DOCK10: variants seen among roughly 807,000 people sequenced by gnomAD.
The protein encoded by DOCK10 is dedicator of cytokinesis 10.
A neutral mutation model predicts 280.1 loss-of-function variants in DOCK10; 145 were observed. The observed-to-expected ratio is 0.52, with a 90% confidence interval of 0.45 to 0.59. DOCK10 has a LOEUF of 0.59. DOCK10 is among the 20% of genes least tolerant of loss of function. The probability of loss-of-function intolerance (pLI) is 0.00; values close to 1 mark genes in which losing one functional copy is unlikely to be tolerated. For missense variants in DOCK10, 2,368 were observed against 2,651.7 expected (o/e 0.89, Z 2.35); for synonymous variants, 915 against 942.2 (o/e 0.97, Z 0.53).
At chr2:224,823,223 T>G (rs1358315731) in intron 28 of DOCK10, among the ~76,000 whole-genome samples, 1 of 152,038 alleles carries the variant, frequency 6.6e-6, no homozygotes, top group Non-Finnish European at 1.5e-5. Flanking sequence ...CTTGACCTCA[T>G]GATCTGCCCG....
intron 7 of DOCK10, among the ~76,000 whole-genome samples, chr2:224,881,308 T>C (rs953276151): frequency 6.6e-6 from 1 of 152,222 alleles, no homozygotes; most frequent in Non-Finnish European, 1.5e-5. Flanking sequence ...TTTGAAGACA[T>C]GAGCCACACC....
intron 47 of DOCK10, 49 bp from the exon 48 acceptor site, chr2:224,789,219 G>C (rs1034996389): frequency 1.6e-6 from 2 of 1,273,438 alleles, no homozygotes; most frequent in African/African-American, 1.5e-5. Flanking sequence ...GACAAATTTT[G>C]CTTAGATTAG....
At chr2:224,919,227 T>C (rs1701542763) in intron 2 of DOCK10, among the ~76,000 whole-genome samples, 1 of 142,132 alleles carries the variant, frequency 7.0e-6, no homozygotes, top group Non-Finnish European at 1.6e-5. Flanking sequence ...ATGTGTGGTG[T>C]GAATGTATGT....
At chr2:224,914,267 G>A (rs1388226267) in intron 3 of DOCK10, among the ~76,000 whole-genome samples, 1 of 151,878 alleles carries the variant, frequency 6.6e-6, no homozygotes, top group East Asian at 1.9e-4. Context: ...TGGTTTATTT[G>A]TTCATTCCAG....
chr2:224,921,171 G>A (rs1366532144), intron 2 of DOCK10, among the ~76,000 whole-genome samples: 2 of 132,714 alleles, frequency 1.5e-5, no homozygotes, highest in African/African-American at 3.1e-5. Flanking sequence ...GCATGGTGGC[G>A]GGCACCTGTA....
At chr2:225,037,854 C>A (rs1269443109) in intron 1 of DOCK10, among the ~76,000 whole-genome samples, 1 of 152,176 alleles carries the variant, frequency 6.6e-6, no homozygotes, top group African/African-American at 2.4e-5. Context: ...CTAGAACCTA[C>A]TTGTGGTTAC....
chr2:224,947,048 C>T (rs1703460867), intron 1 of DOCK10: 1 of 1,414,296 alleles, frequency 7.1e-7, no homozygotes, highest in Admixed American at 3.3e-5. Context: ...AATCTTTCTT[C>T]TTGGTAAAAA....
intron 50 of DOCK10, among the ~76,000 whole-genome samples, chr2:224,782,178 A>G (rs1691392574): frequency 6.6e-6 from 1 of 152,178 alleles, no homozygotes; most frequent in African/African-American, 2.4e-5. Flanking sequence ...GTGGAGAGCT[A>G]TATCATGTCC....
At chr2:224,847,319 C>T (rs752153776) in intron 19 of DOCK10, among the ~76,000 whole-genome samples, 11 of 152,162 alleles carry the variant, frequency 7.2e-5, no homozygotes, top group Non-Finnish European at 1.3e-4. Context: ...TGTTAGGGGG[C>T]TCTGAGTTAC....
chr2:224,903,023 G>A (rs1014034707), intron 3 of DOCK10, among the ~76,000 whole-genome samples: 2 of 152,162 alleles, frequency 1.3e-5, no homozygotes, highest in African/African-American at 2.4e-5. Context: ...GCGTGAACCC[G>A]GGAGGCGGAG....
chr2:224,947,277 A>G (rs1204659888), intron 1 of DOCK10, among the ~76,000 whole-genome samples: 1 of 152,216 alleles, frequency 6.6e-6, no homozygotes, highest in African/African-American at 2.4e-5. Context: ...CCACCCGTGC[A>G]ACCAAATCAA....
intron 4 of DOCK10, among the ~76,000 whole-genome samples, chr2:224,888,609 G>A (rs933653208): frequency 1.3e-5 from 2 of 151,736 alleles, no homozygotes; most frequent in Non-Finnish European, 2.9e-5. Flanking sequence ...GTGTTTGTAT[G>A]TATATGTGTG....
intron 55 of DOCK10, among the ~76,000 whole-genome samples, 186 bp from the exon 56 acceptor site, chr2:224,766,023 T>C (rs547113726): frequency 1.3e-5 from 2 of 152,316 alleles, no homozygotes; most frequent in Non-Finnish European, 2.9e-5. Context: ...GCTTTAACTT[T>C]TGGTGAAAGT....
intron 1 of DOCK10, among the ~76,000 whole-genome samples, chr2:224,991,884 G>C (rs182972977): frequency 2.6e-5 from 4 of 152,300 alleles, no homozygotes; most frequent in African/African-American, 9.6e-5. Flanking sequence ...TGAAACTGAT[G>C]CATTAGGGAA....
intron 33 of DOCK10, chr2:224,807,437 G>A (rs1272166385): frequency 8.4e-6 from 3 of 359,256 alleles, no homozygotes; most frequent in Non-Finnish European, 1.0e-5. Flanking sequence ...ATTGGAAGCT[G>A]ATACAGAGAA....
intron 1 of DOCK10, among the ~76,000 whole-genome samples, chr2:224,984,351 T>G (rs1045477684): frequency 6.6e-6 from 1 of 152,236 alleles, no homozygotes; most frequent in African/African-American, 2.4e-5. Context: ...CTGGCTGACC[T>G]CTGCGGTGGC....
chr2:224,893,723 C>CT (rs777855218), intron 4 of DOCK10: 1,051 of 380,688 alleles, frequency 2.8e-3, no homozygotes, highest in African/African-American at 0.012. Context: ...TAAATTTCAC[C>CT]TTTTTTTTTG....
intron 45 of DOCK10, among the ~76,000 whole-genome samples, chr2:224,794,576 A>G (rs551181541): frequency 6.6e-6 from 1 of 152,292 alleles, no homozygotes; most frequent in East Asian, 1.9e-4. Context: ...TAACGACTCA[A>G]TTCCCAGACA....
At chr2:224,973,578 T>C (rs971622253) in intron 1 of DOCK10, among the ~76,000 whole-genome samples, 1 of 151,698 alleles carries the variant, frequency 6.6e-6, no homozygotes, top group Non-Finnish European at 1.5e-5. Flanking sequence ...GAGAAAGGAA[T>C]GCAGCTCTGC....
Sources: gnomAD v4.1 joint callset for allele counts (sites outside exome capture counted in the v4.1 genomes callset) on GRCh38, gnomAD v4.1.1 for gene constraint, MANE v1.5 for transcripts, NCBI Gene and HGNC (gene_info 2026-07-23, HGNC 2026-07-21) for gene names.